MRPL49: variants seen among roughly 807,000 people sequenced by gnomAD.
The protein encoded by MRPL49 is large ribosomal subunit protein mL49.
In MRPL49, 14 loss-of-function variants were observed where a neutral mutation model predicts 18.4. The ratio of observed to expected loss-of-function variants is 0.76; its 90% CI spans 0.50 to 1.19. The LOEUF (loss-of-function observed/expected upper bound fraction) is 1.19, where lower values mean the gene tolerates loss of function less well. Among genes scored for constraint, MRPL49 ranks in the 50% most tolerant of loss-of-function variants. The probability of loss-of-function intolerance (pLI) is 0.00; values close to 1 mark genes in which losing one functional copy is unlikely to be tolerated. For synonymous variants in MRPL49, 104 were observed against 86.2 expected (o/e 1.21, Z -1.14); for missense variants, 190 against 217.8 (o/e 0.87, Z 0.80).
rs1311522506 is a variant in MRPL49 at position 65,126,037 on chromosome 11, A to T, written c.*165A>T. On this transcript the variant is annotated 3_prime_UTR_variant, in exon 4 of 4. Transcript: ENST00000279242. ...CTTGCATAAAGGAGAAAACAACTCT[A>T]TGTACATGCTGGGGGAGAGTGCCTA... The T allele has an allele frequency of 1.4e-6, 1 of 727,648 alleles. No individual in the cohort carries two copies. Among genetic ancestry groups the T allele is most frequent in the Non-Finnish European group, 2.2e-6 (1 of 462,076 alleles). 45.1% of individuals were successfully genotyped at this position (727,648 alleles called of 1,614,324 possible).
At chr11:65,122,220 C>A (rs780243077), upstream of MRPL49, 5 of 998,048 alleles carry the variant, frequency 5.0e-6, no homozygotes, top group Non-Finnish European at 7.4e-6. Flanking sequence ...CTATTTGTAC[C>A]GCCCAAGGCA....
chr11:65,123,140 TATA>T (rs1948069898), intron 1 of MRPL49, among the ~76,000 whole-genome samples: 1 of 152,202 alleles, frequency 6.6e-6, no homozygotes, highest in Admixed American at 6.5e-5. Flanking sequence ...ACGCTGCCAA[TATA>T]ATAATATCTA....
At chr11:65,124,770 T>G in intron 2 of MRPL49, 118 bp downstream of exon 2, 22 of 1,117,844 alleles carry the variant, frequency 2.0e-5, no homozygotes, top group Non-Finnish European at 2.8e-5. Context: ...CATTTTGCAA[T>G]CCCTCTGGGT....
rs1948107316 is a variant in MRPL49 at position 65,126,834 on chromosome 11, G to T, written c.*962G>T. On this transcript the variant is annotated 3_prime_UTR_variant, in exon 4 of 4. Transcript: ENST00000279242. ...ACAAGGGAGTGGCTGGGAACTCACA[G>T]CCAGCATAGGGACATCCCCCTGCAG... is the stretch of plus-strand genomic sequence containing the variant. 3 of 565,546 alleles carry T rather than the reference G, an allele frequency of 5.3e-6. No individual in the cohort carries two copies. In the South Asian group the frequency reaches 6.7e-5, roughly 13 times the overall value. The allele number at this position is 565,546 out of a possible 1,614,324, so 35.0% of individuals were successfully genotyped here. A position where few individuals can be genotyped will look rare whatever the true frequency, so the allele number is the denominator to read the frequency against.
rs368037720 is a variant in MRPL49, at chr11:65,124,572, G to A, written c.149G>A (p.Arg50His). 38 of 1,614,040 alleles carry A rather than the reference G, an allele frequency of 2.4e-5. No individual in the cohort carries two copies. The highest frequency in any genetic ancestry group is 1.6e-4 in the Middle Eastern group (1 of 6,082). Residue 50 changes from arginine to histidine, a missense_variant, in exon 2 of 4, where the codon CGC becomes CAC. Arg to His is a conservative substitution (Grantham distance 29, BLOSUM62 0). Coordinates refer to ENST00000279242, the MANE Select transcript of MRPL49 (RefSeq NM_004927.4). Reference sequence around the variant, plus strand: ...GTGGATGAATATCAGTTTGTGGAGCGCCTGTTACCGGCTACCAGGATCCCA... The same window carrying A: ...GTGGATGAATATCAGTTTGTGGAGCACCTGTTACCGGCTACCAGGATCCCA... ...ESVDEYQFVERLLPATRIPDP... is the reference protein window; with the variant it reads ...ESVDEYQFVEHLLPATRIPDP...
intron 2 of MRPL49, 53 bp downstream of exon 2, chr11:65,124,705 C>A: frequency 1.3e-6 from 2 of 1,585,802 alleles, no homozygotes; most frequent in Non-Finnish European, 1.7e-6. Context: ...ATCACCTCCT[C>A]CCCAGAGGTT....
intron 1 of MRPL49, among the ~76,000 whole-genome samples, chr11:65,123,916 G>A (rs959536928): frequency 1.3e-5 from 2 of 151,854 alleles, no homozygotes; most frequent in Non-Finnish European, 2.9e-5. Flanking sequence ...AGAGAGTCTC[G>A]TCGCTCTGTC....
chr11:65,125,561 G>A lies in MRPL49; in HGVS notation c.303G>A (p.Thr101=), dbSNP rs751025132. The change falls in exon 3 of 4, where the codon ACG becomes ACA. Residue 101 remains threonine, a synonymous_variant. Coordinates refer to ENST00000279242, the MANE Select transcript of MRPL49 (RefSeq NM_004927.4). ...ACATCCCCGTCTACAAGGACATCAC[G>A]CATGGCAACCGGCAGATGACTGTGA... The part of the protein sequence containing the change: ...MHNIPVYKDI[T]HGNRQMTVIR... 10 of 1,613,674 alleles carry A rather than the reference G, an allele frequency of 6.2e-6. No individual in the cohort carries two copies. The highest frequency in any genetic ancestry group is 1.1e-5 in the South Asian group (1 of 91,070).
At position 65,126,038 on chromosome 11, in the gene MRPL49, T is replaced by C; in HGVS notation, c.*166T>C. ...TTGCATAAAGGAGAAAACAACTCTA[T>C]GTACATGCTGGGGGAGAGTGCCTAA... On this transcript the variant is annotated 3_prime_UTR_variant, in exon 4 of 4. Coordinates refer to ENST00000279242, the MANE Select transcript of MRPL49 (RefSeq NM_004927.4). The C allele has an allele frequency of 2.8e-6, 2 of 720,008 alleles. No individual in the cohort carries two copies. The highest frequency in any genetic ancestry group is 2.2e-6 in the Non-Finnish European group (1 of 456,328). The allele number at this position is 720,008 out of a possible 1,614,324, so 44.6% of individuals were successfully genotyped here. A position where few individuals can be genotyped will look rare whatever the true frequency, so the allele number is the denominator to read the frequency against.
rs1948083424 is a variant in MRPL49, at chr11:65,124,656, A to T, written c.229+4A>T. ...AGTGGCTGGCAGCCTCCCAGAGGTG[A>T]GCTGGGTGGTTAGGGATGATTTGAA... On this transcript the variant is annotated splice_donor_region_variant and intron_variant, in intron 2 of 3. Transcript: ENST00000279242. The T allele has an allele frequency of 6.2e-7, 1 of 1,613,548 alleles. No individual in the cohort carries two copies. Among genetic ancestry groups the T allele is most frequent in the Non-Finnish European group, 8.5e-7 (1 of 1,179,844 alleles).
chr11:65,125,454 A>C, intron 2 of MRPL49, 34 bp from the exon 3 acceptor site: 1 of 1,611,994 alleles, frequency 6.2e-7, no homozygotes, highest in Non-Finnish European at 8.5e-7. Context: ...GCACGTAGGA[A>C]GAGTTGATTT....
intron 1 of MRPL49, 56 bp downstream of exon 1, chr11:65,122,480 A>G (rs1948061752): frequency 1.3e-6 from 2 of 1,527,610 alleles, no homozygotes; most frequent in South Asian, 2.3e-5. Flanking sequence ...GCTCAGTGTT[A>G]ATCATTGTTA....
Position 65,127,180 on chromosome 11 carries a change from A to C in MRPL49, c.*1308A>C. The C allele has an allele frequency of 1.7e-6, 1 of 587,406 alleles. No individual in the cohort carries two copies. Among genetic ancestry groups the C allele is most frequent in the Non-Finnish European group, 3.0e-6 (1 of 329,914 alleles). 36.4% of individuals were successfully genotyped at this position (587,406 alleles called of 1,614,324 possible). On this transcript the variant is annotated 3_prime_UTR_variant, in exon 4 of 4. Transcript: ENST00000279242. ...CAAGGATAGTGCTGGCTTCCATGGA[A>C]ACCCTCACTCCTGGAGATTCCATTC...
At chr11:65,124,883 G>A (rs1054804604) in intron 2 of MRPL49, 2 of 448,440 alleles carry the variant, frequency 4.5e-6, no homozygotes, top group African/African-American at 2.0e-5. Context: ...CCCCATATGG[G>A]GGAAAGTAAA....
chr11:65,125,255 T>C, intron 2 of MRPL49: 1 of 517,768 alleles, frequency 1.9e-6, no homozygotes. Flanking sequence ...GATTTCATTT[T>C]TTCTTGAGCA....
At chr11:65,124,774 T>C (rs912671534) in intron 2 of MRPL49, 122 bp downstream of exon 2, 3 of 1,111,340 alleles carry the variant, frequency 2.7e-6, no homozygotes, top group African/African-American at 3.1e-5. Flanking sequence ...TTGCAATCCC[T>C]CTGGGTTACA....
chr11:65,122,282 A>C (rs1165452809), upstream of MRPL49: 1 of 1,567,664 alleles, frequency 6.4e-7, no homozygotes, highest in Non-Finnish European at 8.7e-7. Context: ...CTGGGCAGGC[A>C]GCTCGCGCAG....
upstream of MRPL49, chr11:65,122,248 T>C: frequency 7.3e-7 from 1 of 1,363,910 alleles, no homozygotes; most frequent in Middle Eastern, 2.5e-4. Flanking sequence ...CTCCGCCCCT[T>C]TACGCTCGCA....
chr11:65,125,659 TGAAGGGACAGGAGTCTTTTTAAGG>T, intron 3 of MRPL49, 43 bp from the exon 4 acceptor site: 1 of 1,613,092 alleles, frequency 6.2e-7, no homozygotes, highest in Non-Finnish European at 8.5e-7. Context: ...CTTTCAGGGC[TGAAGGGACAGGAGTCTTTTTAAGG>T]GAAGGGACTC....
Sources: allele counts gnomAD v4.1 joint callset (sites outside exome capture counted in the v4.1 genomes callset), GRCh38; gene constraint gnomAD v4.1.1; transcripts MANE v1.5; gene names NCBI Gene and HGNC (gene_info 2026-07-23, HGNC 2026-07-21).